RAD50: variants seen among roughly 807,000 people sequenced by gnomAD.
RAD50 encodes the protein DNA repair protein RAD50.
In RAD50, 132 loss-of-function variants were observed where a neutral mutation model predicts 168.8. The ratio of observed to expected loss-of-function variants is 0.78; its 90% CI spans 0.68 to 0.90. RAD50 has a LOEUF of 0.90. Ranked by LOEUF, RAD50 falls within the 40% of genes least tolerant of loss-of-function variation. The pLI, the probability that RAD50 is intolerant of heterozygous loss-of-function variation, is 0.00. For missense variants in RAD50, 1,347 were observed against 1,534.4 expected, an observed-to-expected ratio of 0.88 and a Z score of 2.04; for synonymous variants, 525 against 497.4, an observed-to-expected ratio of 1.06 and a Z score of -0.74.
At chr5:132,638,803 G>A (rs1751650590) in intron 23 of RAD50, among the ~76,000 whole-genome samples, 3 of 152,152 alleles carry the variant, frequency 2.0e-5, no homozygotes, top group African/African-American at 7.2e-5. Context: ...AGCCTACATT[G>A]GAAATCAGGA....
At chr5:132,563,732 G>A (rs899288241) in intron 2 of RAD50, among the ~76,000 whole-genome samples, 4 of 152,054 alleles carry the variant, frequency 2.6e-5, no homozygotes, top group African/African-American at 7.3e-5. Context: ...ATTGAGTACC[G>A]ATATGGTTTG....
At chr5:132,575,681 C>G in intron 2 of RAD50, 96 bp from the exon 3 acceptor site, 1 of 1,173,858 alleles carries the variant, frequency 8.5e-7, no homozygotes, top group Non-Finnish European at 1.3e-6. Flanking sequence ...TCTTTTTGTT[C>G]CCTCATTTTG....
chr5:132,584,359 T>C (rs1319243371), intron 5 of RAD50, among the ~76,000 whole-genome samples: 1 of 152,218 alleles, frequency 6.6e-6, no homozygotes, highest in Non-Finnish European at 1.5e-5. Context: ...TGGGGTTGTT[T>C]GTTTTTTTCT....
chr5:132,637,555 C>T (rs544185707), intron 22 of RAD50, among the ~76,000 whole-genome samples: 10 of 149,968 alleles, frequency 6.7e-5, no homozygotes, highest in African/African-American at 2.0e-4. Flanking sequence ...GATGGAGTCT[C>T]GCACTTCTCT....
intron 21 of RAD50, among the ~76,000 whole-genome samples, chr5:132,624,603 G>GT (rs2149856742): frequency 6.6e-6 from 1 of 152,116 alleles, no homozygotes; most frequent in South Asian, 2.1e-4. Context: ...ATTTTTGTTG[G>GT]TAAAAACCTA....
At position 132,608,744 on chromosome 5, in the gene RAD50, ATTTAC is replaced by A. The variant is rs1751030708; in HGVS notation, c.2829+22_2829+26del. The A allele has an allele frequency of 1.9e-6, 3 of 1,559,408 alleles. No individual in the cohort carries two copies. In the African/African-American group the frequency reaches 4.1e-5, roughly 21 times the overall value. ...GGATAAAGTAAGATTTCATTTATAT[ATTTAC>A]TTATCAAATATCTGTATTAAACTTA... On this transcript the variant is annotated intron_variant, in intron 17 of 24. Coordinates refer to ENST00000378823, the MANE Select transcript of RAD50 (RefSeq NM_005732.4).
intron 3 of RAD50, among the ~76,000 whole-genome samples, chr5:132,578,965 T>C (rs1750450533): frequency 6.6e-6 from 1 of 152,254 alleles, no homozygotes; most frequent in South Asian, 2.1e-4. Context: ...TTTGCCTGTC[T>C]GCTATTGATC....
intron 2 of RAD50, among the ~76,000 whole-genome samples, chr5:132,563,432 C>T (rs1750154993): frequency 6.6e-6 from 1 of 152,058 alleles, no homozygotes; most frequent in South Asian, 2.1e-4. Context: ...CTTTTATATT[C>T]TCAAATGAAA....
In RAD50 at chr5:132,645,771, A is replaced by G. The variant is rs1334843264; in HGVS notation, c.*3407A>G. On this transcript the variant is annotated 3_prime_UTR_variant, in exon 25 of 25. Coordinates refer to ENST00000378823, the MANE Select transcript of RAD50 (RefSeq NM_005732.4). ...AATTATCCCACCTAAGGGGCAAGAG[A>G]CCTGGAGTATTTATATAACAACTTG... is the stretch of plus-strand genomic sequence containing the variant. The G allele has an allele frequency of 1.3e-5, 2 of 152,128 alleles. No homozygotes were observed. The highest frequency in any genetic ancestry group is 3.8e-4 in the East Asian group (2 of 5,200). The allele number at this position is 152,128 out of a possible 1,614,324, so 9.4% of individuals were successfully genotyped here.
intron 19 of RAD50, 137 bp from the exon 20 acceptor site, chr5:132,615,866 G>C (rs935535135): frequency 1.5e-5 from 13 of 872,606 alleles, no homozygotes; most frequent in African/African-American, 8.4e-5. Context: ...CCTTCACACT[G>C]GCTTATTCTC....
At chr5:132,586,021 CTT>C (rs1326000599) in intron 5 of RAD50, among the ~76,000 whole-genome samples, 1 of 152,080 alleles carries the variant, frequency 6.6e-6, no homozygotes, top group African/African-American at 2.4e-5. Context: ...ACTTTTTTCT[CTT>C]ATGGTTTATA....
chr5:132,584,702 C>T (rs1446061175), intron 5 of RAD50, among the ~76,000 whole-genome samples: 2 of 152,070 alleles, frequency 1.3e-5, no homozygotes, highest in East Asian at 3.8e-4. Context: ...ACCCAAATGT[C>T]CAATGATGAT....
chr5:132,600,698 A>G (rs1331877318), intron 13 of RAD50, among the ~76,000 whole-genome samples: 1 of 152,120 alleles, frequency 6.6e-6, no homozygotes, highest in Admixed American at 6.5e-5. Context: ...TTTCAGTACC[A>G]TATCTGTGTG....
At chr5:132,638,845 T>C (rs1751651214) in intron 23 of RAD50, among the ~76,000 whole-genome samples, 1 of 152,192 alleles carries the variant, frequency 6.6e-6, no homozygotes, top group Admixed American at 6.5e-5. Flanking sequence ...ATCAGGAATA[T>C]GGCATCCTTG....
chr5:132,612,472 G>A lies in RAD50; in HGVS notation c.3036+3076G>A, dbSNP rs536858562. On this transcript the variant is annotated intron_variant, in intron 19 of 24. Transcript: ENST00000378823. ...AAAGTAAAACTGCTAAATTGTACAC[G>A]TTTAAACAGTGAATTTTGTGGAATA... Among the ~76,000 whole-genome samples the A allele has an allele frequency of 1.8e-3, 269 of 152,244 alleles. 1 individual carries two copies. Among genetic ancestry groups the A allele is most frequent in the African/African-American group, 6.2e-3 (257 of 41,552 alleles).
At chr5:132,633,081 A>G (rs890705686) in intron 21 of RAD50, among the ~76,000 whole-genome samples, 3 of 136,208 alleles carry the variant, frequency 2.2e-5, no homozygotes, top group Non-Finnish European at 3.2e-5. Context: ...TTGTCCATCA[A>G]TTTTCTTTCG....
intron 1 of RAD50, among the ~76,000 whole-genome samples, 163 bp downstream of exon 1, chr5:132,557,616 A>T (rs1230509945): frequency 6.6e-6 from 1 of 152,162 alleles, no homozygotes; most frequent in Non-Finnish European, 1.5e-5. Flanking sequence ...CAGCGACCTT[A>T]GGAGTTTGCC....
Position 132,590,103 on chromosome 5 carries a change from C to T in RAD50, c.1452+266C>T, listed in dbSNP as rs572657967. On this transcript the variant is annotated intron_variant, in intron 9 of 24. Coordinates refer to ENST00000378823, the MANE Select transcript of RAD50 (RefSeq NM_005732.4). ...CTTCAGACCTTCCAAATCAAAATCT[C>T]TGAGAATGGGGCATAGAAATGTACA... Among the ~76,000 whole-genome samples, 267 of 152,274 alleles carry T rather than the reference C, an allele frequency of 1.8e-3. 1 individual carries two copies. The highest frequency in any genetic ancestry group is 6.2e-3 in the African/African-American group (256 of 41,562).
chr5:132,588,211 T>A, intron 7 of RAD50, 122 bp downstream of exon 7: 1 of 1,125,220 alleles, frequency 8.9e-7, no homozygotes. Context: ...CTATACACAG[T>A]ATGTTTCCAT....
Sources: gnomAD v4.1 joint callset for allele counts (sites outside exome capture counted in the v4.1 genomes callset) on GRCh38, gnomAD v4.1.1 for gene constraint, MANE v1.5 for transcripts, NCBI Gene and HGNC (gene_info 2026-07-23, HGNC 2026-07-21) for gene names.